The following KCNQ5 variants were observed in gnomAD, a reference collection of about 807,000 sequenced individuals.
KCNQ5 encodes potassium voltage-gated channel subfamily Q member 5.
Under a neutral mutation model 98.2 loss-of-function variants are expected in KCNQ5, and 30 were observed. The ratio of observed to expected loss-of-function variants is 0.31; its 90% CI spans 0.23 to 0.41. The LOEUF (loss-of-function observed/expected upper bound fraction) is 0.41, where lower values mean the gene tolerates loss of function less well. Ranked by LOEUF, KCNQ5 falls within the 10% of genes least tolerant of loss-of-function variation. KCNQ5 has a pLI of 1.00. For synonymous variants in KCNQ5, 458 were observed against 449.4 expected (o/e 1.02, Z -0.24); for missense variants, 835 against 1,182.5 (o/e 0.71, Z 4.31).
chr6:72,863,745 T>A (rs571055162), intron 1 of KCNQ5, among the ~76,000 whole-genome samples: 2 of 152,364 alleles, frequency 1.3e-5, no homozygotes, highest in South Asian at 2.1e-4. Context: ...AGAATTTTTT[T>A]AAAAGTTGTG....
At chr6:72,822,566 T>C (rs966210699) in intron 1 of KCNQ5, among the ~76,000 whole-genome samples, 4 of 152,164 alleles carry the variant, frequency 2.6e-5, no homozygotes, top group Non-Finnish European at 4.4e-5. Context: ...TCCTAGTGCT[T>C]TCGGGAACTT....
intron 1 of KCNQ5, among the ~76,000 whole-genome samples, chr6:72,880,178 C>T (rs1453751526): frequency 1.3e-5 from 2 of 152,116 alleles, no homozygotes; most frequent in Non-Finnish European, 2.9e-5. Context: ...AATATTGTGT[C>T]TTCATCTTTT....
At chr6:72,663,130 A>T (rs1329400301) in intron 1 of KCNQ5, among the ~76,000 whole-genome samples, 1 of 151,992 alleles carries the variant, frequency 6.6e-6, no homozygotes, top group East Asian at 1.9e-4. Context: ...CACACCGGGG[A>T]CTGTCAGGGG....
At chr6:72,866,190 A>T (rs929342756) in intron 1 of KCNQ5, among the ~76,000 whole-genome samples, 66 of 151,250 alleles carry the variant, frequency 4.4e-4, no homozygotes, top group African/African-American at 1.5e-3. Flanking sequence ...CATGTTTGCA[A>T]CTTTATTATG....
At chr6:72,927,308 C>A (rs1765472172) in intron 1 of KCNQ5, among the ~76,000 whole-genome samples, 1 of 152,098 alleles carries the variant, frequency 6.6e-6, no homozygotes, top group African/African-American at 2.4e-5. Context: ...TCAACTATGA[C>A]AAGCTTCAAA....
chr6:72,890,790 A>G (rs1779029023), intron 1 of KCNQ5, among the ~76,000 whole-genome samples: 2 of 152,226 alleles, frequency 1.3e-5, no homozygotes, highest in Non-Finnish European at 2.9e-5. Context: ...ATATCATATC[A>G]GAAGACAGTA....
intron 3 of KCNQ5, among the ~76,000 whole-genome samples, chr6:73,065,412 A>G (rs1231441849): frequency 6.6e-6 from 1 of 152,148 alleles, no homozygotes; most frequent in East Asian, 1.9e-4. Context: ...CACTCTTGTA[A>G]TGCTGCTCTC....
At chr6:72,930,567 T>C (rs1335884710) in intron 1 of KCNQ5, among the ~76,000 whole-genome samples, 1 of 123,202 alleles carries the variant, frequency 8.1e-6, no homozygotes, top group African/African-American at 3.4e-5. Context: ...TTAAGACATA[T>C]GGACATTTTA....
At chr6:73,106,084 C>A (rs1035625918) in intron 6 of KCNQ5, among the ~76,000 whole-genome samples, 1 of 152,218 alleles carries the variant, frequency 6.6e-6, no homozygotes, top group South Asian at 2.1e-4. Flanking sequence ...GGAGGGTTAA[C>A]GCGGTGGGAG....
intron 1 of KCNQ5, among the ~76,000 whole-genome samples, chr6:72,959,984 G>A (rs1363102196): frequency 2.0e-5 from 3 of 152,166 alleles, no homozygotes; most frequent in Admixed American, 1.3e-4. Flanking sequence ...TTGAAAACAT[G>A]CCAAGCTGTA....
chr6:72,837,987 T>C lies in KCNQ5; in HGVS notation c.399-165921T>C, dbSNP rs185274431. ...TATTATTATACTTTAAGTTTTAGGG[T>C]ACATGTGCACAACGTGCAGGTTTGT... is the stretch of plus-strand genomic sequence containing the variant. On this transcript the variant is annotated intron_variant, in intron 1 of 13. Coordinates refer to ENST00000370398, the MANE Select transcript of KCNQ5 (RefSeq NM_019842.4). 4.2e-3 allele frequency among the ~76,000 whole-genome samples: 634 copies of C among 152,170 alleles called. 3 individuals are homozygous for C. The highest frequency in any genetic ancestry group is 6.7e-3 in the Non-Finnish European group (454 of 67,988).
chr6:72,770,815 A>G (rs1434021283), intron 1 of KCNQ5, among the ~76,000 whole-genome samples: 2 of 152,126 alleles, frequency 1.3e-5, no homozygotes, highest in African/African-American at 4.8e-5. Context: ...TACAATCATA[A>G]ATTAGTAATA....
rs1179838986 is a variant in KCNQ5, at chr6:73,196,738, A to G, written c.*1324A>G. On this transcript the variant is annotated 3_prime_UTR_variant, in exon 14 of 14. Transcript: ENST00000370398. ...ACTGGTTCAATTTCCTGATATAAAC[A>G]TTTACAATTAGAAGCTAGATAGTAC... The G allele has an allele frequency of 6.6e-6, 1 of 152,210 alleles. No homozygotes were observed. The highest frequency in any genetic ancestry group is 6.5e-5 in the Admixed American group (1 of 15,280). 9.4% of individuals were successfully genotyped at this position (152,210 alleles called of 1,614,324 possible).
chr6:72,809,342 T>C (rs1312936032), intron 1 of KCNQ5, among the ~76,000 whole-genome samples: 1 of 151,296 alleles, frequency 6.6e-6, no homozygotes, highest in East Asian at 1.9e-4. Flanking sequence ...TGTATACATA[T>C]GTAACTAACC....
At chr6:73,027,163 T>C (rs1351398953) in intron 2 of KCNQ5, among the ~76,000 whole-genome samples, 2 of 152,142 alleles carry the variant, frequency 1.3e-5, no homozygotes, top group African/African-American at 4.8e-5. Flanking sequence ...AGGTCTACCT[T>C]TTAGTAGAAG....
intron 1 of KCNQ5, among the ~76,000 whole-genome samples, chr6:72,929,991 G>A (rs1277132196): frequency 6.6e-6 from 1 of 152,048 alleles, no homozygotes; most frequent in Non-Finnish European, 1.5e-5. Context: ...AAGATTTGAT[G>A]CTCATTCCTA....
chr6:72,744,454 A>G (rs1771276855), intron 1 of KCNQ5, among the ~76,000 whole-genome samples: 1 of 152,164 alleles, frequency 6.6e-6, no homozygotes, highest in Non-Finnish European at 1.5e-5. Flanking sequence ...CTTTTTTCAC[A>G]ATATATGTAC....
intron 1 of KCNQ5, among the ~76,000 whole-genome samples, chr6:72,844,274 T>G (rs1386849990): frequency 6.6e-6 from 1 of 152,230 alleles, no homozygotes; most frequent in East Asian, 1.9e-4. Context: ...ATTCAAGTTA[T>G]AGATGTAAAA....
At chr6:73,137,122 G>T (rs929726710) in intron 10 of KCNQ5, among the ~76,000 whole-genome samples, 1 of 152,016 alleles carries the variant, frequency 6.6e-6, no homozygotes, top group African/African-American at 2.4e-5. Context: ...AATATTCAGG[G>T]TTAATCTGTA....
Sources: gnomAD v4.1 joint callset for allele counts (sites outside exome capture counted in the v4.1 genomes callset) on GRCh38, gnomAD v4.1.1 for gene constraint, MANE v1.5 for transcripts, NCBI Gene and HGNC (gene_info 2026-07-23, HGNC 2026-07-21) for gene names.